Variants in PSD3 observed in about 807,000 individuals in gnomAD.
PSD3 encodes the protein pleckstrin and Sec7 domain containing 3.
A neutral mutation model predicts 105.5 loss-of-function variants in PSD3; 49 were observed. That is an observed-to-expected ratio of 0.46 (90% CI 0.37 to 0.59). The LOEUF (loss-of-function observed/expected upper bound fraction) is 0.59. PSD3 is among the 20% of genes least tolerant of loss of function. PSD3 has a pLI of 0.00. For synonymous variants in PSD3, 557 were observed against 457.8 expected (o/e 1.22, Z -2.77); for missense variants, 1,561 against 1,263.8 (o/e 1.24, Z -3.57).
intron 9 of PSD3, among the ~76,000 whole-genome samples, chr8:18,668,906 G>T (rs1357531514): frequency 1.3e-5 from 2 of 152,094 alleles, no homozygotes; most frequent in Non-Finnish European, 2.9e-5. Context: ...TTTTCCTTTT[G>T]TTATATCAGC....
At chr8:18,797,261 C>T (rs968245495) in intron 8 of PSD3, among the ~76,000 whole-genome samples, 2 of 152,158 alleles carry the variant, frequency 1.3e-5, no homozygotes, top group Non-Finnish European at 2.9e-5. Flanking sequence ...AACTACTTAT[C>T]ACCAAACACA....
chr8:18,556,398 T>G (rs769547317), intron 14 of PSD3, 46 bp from the exon 15 acceptor site: 14 of 1,445,500 alleles, frequency 9.7e-6, no homozygotes, highest in Non-Finnish European at 1.3e-5. Context: ...AAAAAACAAG[T>G]CAATAACAAA....
At chr8:18,738,652 C>G (rs1804332569) in intron 9 of PSD3, among the ~76,000 whole-genome samples, 1 of 152,114 alleles carries the variant, frequency 6.6e-6, no homozygotes, top group Non-Finnish European at 1.5e-5. Context: ...GAAAATCAAA[C>G]TGGCATCTTA....
intron 4 of PSD3, among the ~76,000 whole-genome samples, chr8:18,843,962 G>A (rs958162327): frequency 2.7e-5 from 4 of 149,462 alleles, no homozygotes; most frequent in African/African-American, 9.9e-5. Context: ...CAGGAAATGG[G>A]CAAGCTGGGC....
At chr8:19,002,033 C>A (rs1178370410) in intron 1 of PSD3, 1 of 154,060 alleles carries the variant, frequency 6.5e-6, no homozygotes, top group Non-Finnish European at 1.4e-5. Flanking sequence ...AGCTGAGCCA[C>A]ACTCATTTCT....
At chr8:18,813,122 A>C (rs1395489497) in intron 4 of PSD3, among the ~76,000 whole-genome samples, 1 of 152,210 alleles carries the variant, frequency 6.6e-6, no homozygotes, top group African/African-American at 2.4e-5. Flanking sequence ...TTAGAAGGTA[A>C]AATGGAAGAA....
chr8:18,878,929 A>T (rs187993296), intron 2 of PSD3, among the ~76,000 whole-genome samples: 5 of 152,154 alleles, frequency 3.3e-5, no homozygotes, highest in Admixed American at 1.3e-4. Flanking sequence ...ACCAAAACAT[A>T]TAACAGTGAA....
chr8:18,573,831 G>T (rs953632143), intron 13 of PSD3, among the ~76,000 whole-genome samples: 1 of 152,104 alleles, frequency 6.6e-6, no homozygotes. Context: ...GGATCTCTTT[G>T]GAGTGATGGA....
At chr8:18,608,798 A>C (rs2130628916) in intron 11 of PSD3, among the ~76,000 whole-genome samples, 1 of 152,334 alleles carries the variant, frequency 6.6e-6, no homozygotes, top group Non-Finnish European at 1.5e-5. Context: ...AAAAGGTATA[A>C]GCTTCATGCA....
At position 19,057,185 on chromosome 8, in the gene PSD3, C is replaced by T. The variant is rs180745986; in HGVS notation, c.324+27021G>A. On this transcript the variant is annotated intron_variant, in intron 1 of 1. Transcript: ENST00000521475. Reference sequence around the variant, plus strand: ...CTATCTCTTTATGCATTCTTCCACCCGCTGCCTCATTTCTCTACTCTTGTT... The same window carrying T: ...CTATCTCTTTATGCATTCTTCCACCTGCTGCCTCATTTCTCTACTCTTGTT... 9.2e-5 allele frequency among the ~76,000 whole-genome samples: 14 copies of T among 152,240 alleles called. No homozygotes were observed. The East Asian group carries it at 1.7e-3, about 19-fold the overall frequency.
chr8:18,893,768 G>T (rs572735419), intron 2 of PSD3, among the ~76,000 whole-genome samples: 2 of 152,260 alleles, frequency 1.3e-5, no homozygotes, highest in South Asian at 4.2e-4. Context: ...CAGGGTAAAG[G>T]ATTTCTTTTA....
chr8:18,746,141 ATACCCTTTCCTAATTGGTTTCC>A (rs1402318706), intron 9 of PSD3, among the ~76,000 whole-genome samples: 1 of 152,170 alleles, frequency 6.6e-6, no homozygotes, highest in Non-Finnish European at 1.5e-5. Flanking sequence ...TATTTTACAT[ATACCCTTTCCTAATTGGTTTCC>A]TACCCTTTCC....
chr8:18,725,029 C>T (rs1467694087), intron 9 of PSD3, among the ~76,000 whole-genome samples: 1 of 152,134 alleles, frequency 6.6e-6, no homozygotes, highest in Admixed American at 6.5e-5. Flanking sequence ...TGTTGGGAAT[C>T]ATTGAGCAAA....
At chr8:18,862,184 G>C (rs1297425913) in intron 4 of PSD3, among the ~76,000 whole-genome samples, 2 of 151,874 alleles carry the variant, frequency 1.3e-5, no homozygotes, top group Non-Finnish European at 2.9e-5. Context: ...GATTAATCTC[G>C]TTTCCTCCTC....
At chr8:18,923,983 G>C (rs775154825) in intron 2 of PSD3, among the ~76,000 whole-genome samples, 5 of 149,776 alleles carry the variant, frequency 3.3e-5, no homozygotes, top group African/African-American at 5.1e-5. Context: ...ACACTGAACA[G>C]ACAGTAGAAA....
intron 4 of PSD3, among the ~76,000 whole-genome samples, chr8:18,866,055 G>A (rs1816910555): frequency 6.6e-6 from 1 of 152,032 alleles, no homozygotes; most frequent in Non-Finnish European, 1.5e-5. Context: ...AAGCCTCTTA[G>A]CCCAAAACTC....
chr8:18,988,112 TAC>T (rs35474140), intron 1 of PSD3, among the ~76,000 whole-genome samples: 61,151 of 150,720 alleles, frequency 0.41, 13,403 homozygotes, highest in Non-Finnish European at 0.51. Context: ...AATAAATAAA[TAC>T]ATATATATAT....
At chr8:18,605,197 A>G (rs1580528) in intron 11 of PSD3, among the ~76,000 whole-genome samples, 16 of 152,192 alleles carry the variant, frequency 1.1e-4, no homozygotes, top group Non-Finnish European at 2.4e-4. Flanking sequence ...CCATGAGCGC[A>G]GCTGCAGGGG....
chr8:18,643,550 T>C (rs1404983981), intron 10 of PSD3, among the ~76,000 whole-genome samples: 1 of 152,186 alleles, frequency 6.6e-6, no homozygotes, highest in African/African-American at 2.4e-5. Flanking sequence ...TCAAATACTA[T>C]GGTGAGACAG....
Sources: gnomAD v4.1 joint callset for allele counts (sites outside exome capture counted in the v4.1 genomes callset) on GRCh38, gnomAD v4.1.1 for gene constraint, MANE v1.5 for transcripts, NCBI Gene and HGNC (gene_info 2026-07-23, HGNC 2026-07-21) for gene names.